The following RUNX2 variants were observed in gnomAD, a reference collection of about 807,000 sequenced individuals.
The protein encoded by RUNX2 is RUNX family transcription factor 2.
A neutral mutation model predicts 51.7 loss-of-function variants in RUNX2; 10 were observed. The observed-to-expected ratio is 0.19, with a 90% CI of 0.12 to 0.33. The LOEUF is 0.33. Ranked by LOEUF, RUNX2 falls within the 10% of genes least tolerant of loss-of-function variation. The probability of loss-of-function intolerance (pLI) is 1.00; values close to 1 mark genes in which losing one functional copy is unlikely to be tolerated. For synonymous variants in RUNX2, 276 were observed against 273.6 expected (o/e 1.01, Z -0.09); for missense variants, 562 against 691.3 (o/e 0.81, Z 2.10).
intron 4 of RUNX2, among the ~76,000 whole-genome samples, chr6:45,437,681 G>A (rs1238114202): frequency 6.6e-6 from 1 of 152,140 alleles, no homozygotes; most frequent in African/African-American, 2.4e-5. Flanking sequence ...CATTACAACT[G>A]TTGCTACTGA....
chr6:45,469,665 T>G (rs1402279412), intron 5 of RUNX2, among the ~76,000 whole-genome samples: 1 of 152,258 alleles, frequency 6.6e-6, no homozygotes, highest in African/African-American at 2.4e-5. Context: ...TTGGGATGCC[T>G]GTACAATTTC....
chr6:45,409,728 T>G (rs1478952173), intron 2 of RUNX2, among the ~76,000 whole-genome samples: 1 of 152,206 alleles, frequency 6.6e-6, no homozygotes, highest in Non-Finnish European at 1.5e-5. Context: ...GATAGAAAAT[T>G]CAGGTCTAAA....
chr6:45,546,967 C>T lies in RUNX2; in HGVS notation c.1228C>T (p.Leu410Phe), dbSNP rs1802419337. Residue 410 changes from leucine to phenylalanine, a missense_variant, in exon 9 of 9, where the codon CTC becomes TTC. Leu to Phe is a conservative substitution (Grantham distance 22). Around this residue, in one of 5 missense-constraint regions of RUNX2, gnomAD observed 304 missense variants for 353.2 expected, o/e 0.86. Transcript: ENST00000647337. Reference protein sequence around the residue: ...YTPPVTSGMSLGMSATTHYHT... With the variant: ...YTPPVTSGMSFGMSATTHYHT... The stretch of plus-strand genomic sequence containing the variant: ...CCCGCCAGTCACCTCAGGCATGTCC[C>T]TCGGTATGTCCGCCACCACTCACTA... The T allele has an allele frequency of 6.2e-7, 1 of 1,613,880 alleles. No individual in the cohort carries two copies.
Position 45,546,891 on chromosome 6 carries a change from G to A in RUNX2, c.1152G>A (p.Glu384=), listed in dbSNP as rs1802415597. ...RQFPSISSLT[E]SRFSNPRMHY... ...TCCCAAGCATTTCATCCCTCACTGA[G>A]AGCCGCTTCTCCAACCCACGAATGC... The change falls in exon 9 of 9, where the codon GAG becomes GAA. Residue 384 remains glutamate (E), a synonymous_variant. Coordinates refer to ENST00000647337, the MANE Select transcript of RUNX2 (RefSeq NM_001024630.4). The A allele has an allele frequency of 6.2e-7, 1 of 1,613,842 alleles. No individual in the cohort carries two copies. Among genetic ancestry groups the A allele is most frequent in the Non-Finnish European group, 8.5e-7 (1 of 1,179,978 alleles).
At chr6:45,421,891 CAGGAGGG>C in intron 2 of RUNX2, 1 of 152,146 alleles carries the variant, frequency 6.6e-6, no homozygotes. Flanking sequence ...TTGCAAATTG[CAGGAGGG>C]AGTGGATGCA....
chr6:45,474,195 A>G (rs1312199913), intron 5 of RUNX2, among the ~76,000 whole-genome samples: 6 of 150,932 alleles, frequency 4.0e-5, no homozygotes, highest in Admixed American at 4.0e-4. Context: ...ATCAGGGGCT[A>G]TAAAACTTTC....
intron 4 of RUNX2, among the ~76,000 whole-genome samples, chr6:45,434,266 C>G (rs1293011281): frequency 6.6e-6 from 1 of 152,102 alleles, no homozygotes; most frequent in Admixed American, 6.6e-5. Flanking sequence ...CCCTTTGTAC[C>G]TGACCTGCTT....
At chr6:45,437,855 G>A in intron 4 of RUNX2, 92 bp from the exon 5 acceptor site, 2 of 936,706 alleles carry the variant, frequency 2.1e-6, no homozygotes, top group Non-Finnish European at 1.7e-6. Context: ...CCTTAGAGAT[G>A]CTTAAATGCA....
At chr6:45,544,799 G>A (rs182675681) in intron 7 of RUNX2, among the ~76,000 whole-genome samples, 1 of 152,314 alleles carries the variant, frequency 6.6e-6, no homozygotes, top group Non-Finnish European at 1.5e-5. Context: ...TATTGTACGA[G>A]GCAGGGCACA....
chr6:45,423,011 C>T (rs1798265780), intron 3 of RUNX2, 54 bp downstream of exon 3: 1 of 1,587,612 alleles, frequency 6.3e-7, no homozygotes, highest in African/African-American at 1.3e-5. Flanking sequence ...AACCTGCCCG[C>T]CGGTGTCTTC....
intron 2 of RUNX2, among the ~76,000 whole-genome samples, chr6:45,414,754 C>CTTTTTTTTTTTTTTTTTTTTTTTT (rs34672680): frequency 3.0e-5 from 1 of 33,424 alleles, no homozygotes; most frequent in Non-Finnish European, 5.2e-5. Context: ...CAGATCCTGG[C>CTTTTTTTTTTTTTTTTTTTTTTTT]TTTTTTTTTT....
chr6:45,539,902 A>G (rs954709030), intron 7 of RUNX2, among the ~76,000 whole-genome samples: 6 of 152,252 alleles, frequency 3.9e-5, no homozygotes, highest in African/African-American at 1.4e-4. Context: ...GAATGTGTGC[A>G]GCAGTAAGAT....
intron 2 of RUNX2, among the ~76,000 whole-genome samples, chr6:45,405,317 G>A (rs982512490): frequency 1.3e-5 from 2 of 152,172 alleles, no homozygotes; most frequent in African/African-American, 4.8e-5. Flanking sequence ...TACCATAAGG[G>A]CAAGAGTTGG....
intron 7 of RUNX2, among the ~76,000 whole-genome samples, chr6:45,535,306 T>C (rs897350506): frequency 2.0e-5 from 3 of 151,956 alleles, no homozygotes; most frequent in Non-Finnish European, 4.4e-5. Flanking sequence ...AGCACACTTA[T>C]AAGAAAGATA....
At chr6:45,463,377 G>C (rs757695722) in intron 5 of RUNX2, among the ~76,000 whole-genome samples, 18 of 152,210 alleles carry the variant, frequency 1.2e-4, no homozygotes, top group Non-Finnish European at 2.5e-4. Context: ...AATGTTATAA[G>C]GTGGACCATA....
rs545201188 is a variant in RUNX2, at chr6:45,452,505, AT to A, written c.685+14459del. Among the ~76,000 whole-genome samples, 240 of 152,276 alleles carry A rather than the reference AT, an allele frequency of 1.6e-3. 1 individual carries two copies. The highest frequency in any genetic ancestry group is 5.5e-3 in the African/African-American group (227 of 41,554). On this transcript the variant is annotated intron_variant, in intron 5 of 8. Transcript: ENST00000647337. ...GGAGAAGCCAAGCATCAGAGTTTGT[AT>A]TTTTAAGTTTATTTTTTAATTCATT... is the stretch of plus-strand genomic sequence containing the variant.
intron 5 of RUNX2, 30 bp downstream of exon 5, chr6:45,438,081 T>A: frequency 7.4e-7 from 1 of 1,359,842 alleles, no homozygotes; most frequent in Non-Finnish European, 1.1e-6. Flanking sequence ...TTGAAGAAAG[T>A]AATAGAGTTT....
intron 2 of RUNX2, among the ~76,000 whole-genome samples, chr6:45,403,997 T>A (rs1797776469): frequency 6.6e-6 from 1 of 151,930 alleles, no homozygotes; most frequent in Non-Finnish European, 1.5e-5. Flanking sequence ...CAGTGGCTCA[T>A]GCCTGTAATC....
intron 6 of RUNX2, among the ~76,000 whole-genome samples, chr6:45,496,907 T>A (rs1800665584): frequency 6.6e-6 from 1 of 151,702 alleles, no homozygotes; most frequent in Non-Finnish European, 1.5e-5. Flanking sequence ...CTCTTTTTTT[T>A]AATAGAGAGT....
Sources: allele counts gnomAD v4.1 joint callset (sites outside exome capture counted in the v4.1 genomes callset), GRCh38; gene constraint gnomAD v4.1.1; regional missense constraint gnomAD v4.1.1; transcripts MANE v1.5; gene names NCBI Gene and HGNC (gene_info 2026-07-23, HGNC 2026-07-21).